Variants in TRDN observed in about 807,000 individuals in gnomAD.
TRDN encodes triadin in skeletal muscle.
TRDN carries 161 observed loss-of-function variants against 149.7 expected under a neutral mutation model. The observed-to-expected ratio is 1.08, with a 90% CI of 0.95 to 1.23. TRDN has a LOEUF of 1.23. TRDN is among the 50% of genes most tolerant of loss of function. TRDN has a pLI of 0.00. For synonymous variants in TRDN, 294 were observed against 250.5 expected, an observed-to-expected ratio of 1.17 and a Z score of -1.64; for missense variants, 896 against 823.5, an observed-to-expected ratio of 1.09 and a Z score of -1.08.
chr6:123,284,040 A>G (rs1043837354), intron 24 of TRDN, among the ~76,000 whole-genome samples: 1 of 112,256 alleles, frequency 8.9e-6, no homozygotes, highest in African/African-American at 3.5e-5. Flanking sequence ...GTACCCTAAA[A>G]CTTAAAGTAT....
intron 12 of TRDN, among the ~76,000 whole-genome samples, chr6:123,416,560 T>C (rs1773657105): frequency 6.6e-6 from 1 of 152,210 alleles, no homozygotes; most frequent in Non-Finnish European, 1.5e-5. Context: ...CTCTATCCAC[T>C]TGCCCTCTCA....
chr6:123,451,370 G>A (rs1003863014), intron 10 of TRDN, among the ~76,000 whole-genome samples: 6 of 151,874 alleles, frequency 4.0e-5, no homozygotes, highest in Non-Finnish European at 7.4e-5. Flanking sequence ...TAACCAAGAA[G>A]AGAAGAGAGA....
At chr6:123,501,718 G>T in intron 8 of TRDN, 1 of 504,102 alleles carries the variant, frequency 2.0e-6, no homozygotes, top group Non-Finnish European at 2.6e-6. Flanking sequence ...TTGTTTAGCT[G>T]ATAAAATCAC....
intron 20 of TRDN, among the ~76,000 whole-genome samples, chr6:123,355,713 G>A (rs1410180827): frequency 6.6e-6 from 1 of 151,714 alleles, no homozygotes; most frequent in African/African-American, 2.4e-5. Context: ...AGATCATTTT[G>A]AGAATTGATA....
intron 21 of TRDN, among the ~76,000 whole-genome samples, chr6:123,346,038 C>T (rs1780234076): frequency 2.0e-5 from 3 of 151,958 alleles, no homozygotes; most frequent in Non-Finnish European, 4.4e-5. Context: ...TATATTGTTG[C>T]ATTCGCTAAA....
At chr6:123,448,602 G>T (rs990351451) in intron 10 of TRDN, among the ~76,000 whole-genome samples, 2 of 152,034 alleles carry the variant, frequency 1.3e-5, no homozygotes, top group African/African-American at 4.8e-5. Context: ...GAGAGTCTGA[G>T]CCCAGACATT....
At chr6:123,265,783 C>T (rs1041328997) in intron 32 of TRDN, among the ~76,000 whole-genome samples, 1 of 95,324 alleles carries the variant, frequency 1.0e-5, no homozygotes, top group African/African-American at 4.4e-5. Context: ...TATACTAACT[C>T]TCCCAATCCC....
chr6:123,356,656 C>T (rs1400565338), intron 20 of TRDN, among the ~76,000 whole-genome samples: 1 of 149,234 alleles, frequency 6.7e-6, no homozygotes, highest in East Asian at 1.9e-4. Context: ...AAGATTGGTG[C>T]TAATTTTTTC....
Position 123,266,454 on chromosome 6 carries a change from A to T in TRDN, c.1784-1116T>A. On this transcript the variant is annotated intron_variant, in intron 32 of 40. Transcript: ENST00000334268. ...TATTATATATAATATATAGATTATG[A>T]TATGTATTATATATAATATATATAT... 5.7e-5 allele frequency among the ~76,000 whole-genome samples: 5 copies of T among 88,020 alleles called. 2 individuals carry two copies. Among genetic ancestry groups the T allele is most frequent in the Non-Finnish European group, 9.6e-5 (5 of 52,024 alleles). 57.7% of individuals were successfully genotyped at this position (88,020 alleles called of 152,430 possible).
chr6:123,307,642 T>G (rs1211989396), intron 24 of TRDN, among the ~76,000 whole-genome samples: 1 of 152,016 alleles, frequency 6.6e-6, no homozygotes, highest in Admixed American at 6.6e-5. Context: ...GTATTGGCTT[T>G]GTCTCACTCA....
At chr6:123,324,358 T>C (rs1779362360) in intron 23 of TRDN, among the ~76,000 whole-genome samples, 1 of 152,126 alleles carries the variant, frequency 6.6e-6, no homozygotes, top group South Asian at 2.1e-4. Context: ...TGCATGCTTA[T>C]AATTCCAGGT....
intron 10 of TRDN, among the ~76,000 whole-genome samples, chr6:123,458,355 C>T (rs1776254595): frequency 6.6e-6 from 1 of 152,148 alleles, no homozygotes; most frequent in Non-Finnish European, 1.5e-5. Flanking sequence ...AGATGTAATT[C>T]ACATTTAAAT....
intron 15 of TRDN, 137 bp from the exon 16 acceptor site, chr6:123,381,527 T>C (rs1353360019): frequency 2.6e-6 from 2 of 761,942 alleles, no homozygotes; most frequent in African/African-American, 1.7e-5. Context: ...TGAGGTGAAA[T>C]TTCACAGTGA....
intron 1 of TRDN, among the ~76,000 whole-genome samples, chr6:123,634,770 A>G (rs1786205926): frequency 6.6e-6 from 1 of 151,762 alleles, no homozygotes; most frequent in Non-Finnish European, 1.5e-5. Context: ...AACAAAAAAA[A>G]ATGCATAATT....
At chr6:123,571,196 A>T in intron 1 of TRDN, 64 bp from the exon 2 acceptor site, 1 of 1,535,240 alleles carries the variant, frequency 6.5e-7, no homozygotes, top group Non-Finnish European at 8.9e-7. Context: ...GATGATGAGA[A>T]ACACTGACTA....
chr6:123,419,072 A>G (rs1484152235), intron 12 of TRDN, among the ~76,000 whole-genome samples: 1 of 151,886 alleles, frequency 6.6e-6, no homozygotes, highest in South Asian at 2.1e-4. Flanking sequence ...CTGAGAGGCT[A>G]AAAAAAGAAA....
intron 10 of TRDN, among the ~76,000 whole-genome samples, chr6:123,455,406 CTGTGTGTGTGTG>C (rs71751722): frequency 1.4e-5 from 2 of 145,640 alleles, no homozygotes; most frequent in South Asian, 2.2e-4. Flanking sequence ...AAGGCAACCA[CTGTGTGTGTGTG>C]TGTGTGTGTG....
At chr6:123,469,745 G>A (rs1777043939) in intron 9 of TRDN, 1 of 154,536 alleles carries the variant, frequency 6.5e-6, no homozygotes, top group African/African-American at 2.4e-5. Flanking sequence ...GCCAGAGCCA[G>A]AGCCAGAGGA....
intron 9 of TRDN, among the ~76,000 whole-genome samples, chr6:123,487,187 A>G (rs986603951): frequency 2.0e-5 from 3 of 152,054 alleles, no homozygotes; most frequent in Non-Finnish European, 2.9e-5. Flanking sequence ...GAGGAAAGAA[A>G]GATATATTGC....
Sources: allele counts gnomAD v4.1 joint callset (sites outside exome capture counted in the v4.1 genomes callset), GRCh38; gene constraint gnomAD v4.1.1; transcripts MANE v1.5; gene names NCBI Gene and HGNC (gene_info 2026-07-23, HGNC 2026-07-21).